CPQ: variants seen among roughly 807,000 people sequenced by gnomAD.
CPQ encodes Ser-Met dipeptidase.
In CPQ, 37 loss-of-function variants were observed where a neutral mutation model predicts 45.7. That is an observed-to-expected ratio of 0.81 (90% confidence interval 0.62 to 1.07). The LOEUF is 1.07. Ranked by LOEUF, CPQ falls within the 50% of genes least tolerant of loss-of-function variation. The pLI is 0.00. For missense variants in CPQ, 537 were observed against 572.9 expected (o/e 0.94, Z 0.64); for synonymous variants, 186 against 205.8 (o/e 0.90, Z 0.82).
chr8:96,932,009 A>G (rs1445284045), intron 4 of CPQ, among the ~76,000 whole-genome samples: 2 of 152,166 alleles, frequency 1.3e-5, no homozygotes, highest in Non-Finnish European at 2.9e-5. Context: ...ACTTGTTCCA[A>G]TGTTCCTTTC....
chr8:96,706,268 C>CT (rs1391156614), intron 1 of CPQ, among the ~76,000 whole-genome samples: 5 of 152,090 alleles, frequency 3.3e-5, no homozygotes, highest in African/African-American at 1.2e-4. Context: ...ACCAATGACT[C>CT]TATTATTTTA....
chr8:96,716,733 C>T (rs1050487339), intron 1 of CPQ, among the ~76,000 whole-genome samples: 3 of 151,948 alleles, frequency 2.0e-5, no homozygotes, highest in African/African-American at 7.3e-5. Flanking sequence ...CATGGTGAAA[C>T]CCCGTCTCTA....
chr8:96,661,281 A>G (rs1301691339), intron 1 of CPQ, among the ~76,000 whole-genome samples: 1 of 152,130 alleles, frequency 6.6e-6, no homozygotes, highest in Non-Finnish European at 1.5e-5. Flanking sequence ...TGCCCCTCAC[A>G]TGTGCATTCC....
chr8:97,054,447 T>C (rs548202336), intron 6 of CPQ, among the ~76,000 whole-genome samples: 1 of 152,282 alleles, frequency 6.6e-6, no homozygotes, highest in Non-Finnish European at 1.5e-5. Flanking sequence ...AAAGAAGTCA[T>C]TATATCAAAA....
At chr8:96,707,770 T>C (rs971970625) in intron 1 of CPQ, among the ~76,000 whole-genome samples, 2 of 152,136 alleles carry the variant, frequency 1.3e-5, no homozygotes, top group Non-Finnish European at 2.9e-5. Flanking sequence ...TGGGTTTTAC[T>C]TGGCAAAAAA....
intron 1 of CPQ, among the ~76,000 whole-genome samples, chr8:96,664,871 T>A (rs1421690806): frequency 6.6e-6 from 1 of 152,216 alleles, no homozygotes; most frequent in African/African-American, 2.4e-5. Context: ...TGCTGAATGA[T>A]GATGATACAG....
intron 2 of CPQ, among the ~76,000 whole-genome samples, chr8:96,799,094 G>T (rs1242248578): frequency 6.6e-6 from 1 of 152,184 alleles, no homozygotes; most frequent in Admixed American, 6.5e-5. Context: ...CAAATAACAA[G>T]AAATTTTGGT....
At chr8:96,964,213 CACACAT>C (rs1417721555) in intron 4 of CPQ, among the ~76,000 whole-genome samples, 2 of 144,608 alleles carry the variant, frequency 1.4e-5, no homozygotes, top group Non-Finnish European at 3.1e-5. Context: ...CACACACACA[CACACAT>C]CCTGTTGGAT....
chr8:96,858,004 A>G (rs1014764645), intron 3 of CPQ, among the ~76,000 whole-genome samples: 1 of 152,196 alleles, frequency 6.6e-6, no homozygotes, highest in South Asian at 2.1e-4. Context: ...GGCTTAAATC[A>G]TAAACATGTT....
intron 5 of CPQ, among the ~76,000 whole-genome samples, chr8:97,009,384 T>C (rs147851724): frequency 1.3e-5 from 2 of 152,322 alleles, no homozygotes; most frequent in East Asian, 3.9e-4. Context: ...CACATCTGAT[T>C]TGTCCTTATT....
intron 5 of CPQ, among the ~76,000 whole-genome samples, chr8:97,022,734 T>C (rs1809710845): frequency 6.6e-6 from 1 of 151,852 alleles, no homozygotes; most frequent in Non-Finnish European, 1.5e-5. Context: ...AAATAATTGA[T>C]GTTGGCAGGG....
chr8:96,917,003 G>T (rs1468740306), intron 4 of CPQ, among the ~76,000 whole-genome samples: 4 of 152,064 alleles, frequency 2.6e-5, no homozygotes, highest in Non-Finnish European at 4.4e-5. Flanking sequence ...CCTGGCTGAG[G>T]TAGTGTTCAT....
intron 1 of CPQ, among the ~76,000 whole-genome samples, chr8:96,779,866 A>AC (rs1810665088): frequency 6.6e-6 from 1 of 152,204 alleles, no homozygotes; most frequent in African/African-American, 2.4e-5. Flanking sequence ...GTATCAGTAT[A>AC]GTGGCTTTAG....
intron 1 of CPQ, among the ~76,000 whole-genome samples, chr8:96,779,422 A>G (rs901925012): frequency 9.2e-5 from 14 of 152,196 alleles, no homozygotes; most frequent in Non-Finnish European, 1.5e-4. Flanking sequence ...GTGTAAATGC[A>G]TATAGTTTCC....
At chr8:96,984,918 T>C (rs1365809754) in intron 5 of CPQ, among the ~76,000 whole-genome samples, 1 of 152,206 alleles carries the variant, frequency 6.6e-6, no homozygotes, top group Non-Finnish European at 1.5e-5. Context: ...TATGAACTAT[T>C]ATTTCTTTCT....
At chr8:96,722,575 C>T (rs1308061400) in intron 1 of CPQ, among the ~76,000 whole-genome samples, 1 of 152,164 alleles carries the variant, frequency 6.6e-6, no homozygotes, top group African/African-American at 2.4e-5. Flanking sequence ...GTTTCCTATG[C>T]ATCCTCAATT....
At chr8:96,699,516 A>C (rs1345427585) in intron 1 of CPQ, among the ~76,000 whole-genome samples, 1 of 152,158 alleles carries the variant, frequency 6.6e-6, no homozygotes, top group African/African-American at 2.4e-5. Flanking sequence ...ACAAAGGATA[A>C]ATGCTTGAGG....
intron 7 of CPQ, among the ~76,000 whole-genome samples, chr8:97,090,724 T>C (rs944725515): frequency 6.6e-6 from 1 of 152,182 alleles, no homozygotes; most frequent in Non-Finnish European, 1.5e-5. Flanking sequence ...AGTCAGTGTG[T>C]GAGTGCCTCT....
intron 1 of CPQ, among the ~76,000 whole-genome samples, chr8:96,781,213 T>C (rs1157798167): frequency 6.6e-6 from 1 of 152,208 alleles, no homozygotes; most frequent in East Asian, 1.9e-4. Flanking sequence ...TGACAAGATG[T>C]TGTCTTAGTC....
Sources: gnomAD v4.1 joint callset for allele counts (sites outside exome capture counted in the v4.1 genomes callset) on GRCh38, gnomAD v4.1.1 for gene constraint, MANE v1.5 for transcripts, NCBI Gene and HGNC (gene_info 2026-07-23, HGNC 2026-07-21) for gene names.